NBAS: variants seen among roughly 807,000 people sequenced by gnomAD.
NBAS encodes NAG/BC035112 fusion.
NBAS carries 219 observed loss-of-function variants against 302.5 expected under a neutral mutation model. The ratio of observed to expected loss-of-function variants is 0.72; its 90% CI spans 0.65 to 0.81. The LOEUF (loss-of-function observed/expected upper bound fraction) is 0.81. Ranked by LOEUF, NBAS falls within the 30% of genes least tolerant of loss-of-function variation. The pLI is 0.00. For synonymous variants in NBAS, 1,118 were observed against 1,021.6 expected (o/e 1.09, Z -1.80); for missense variants, 2,932 against 2,841.6 (o/e 1.03, Z -0.72).
chr2:15,067,244 C>G, the NBAS span, among the ~76,000 whole-genome samples: 2 of 150,752 alleles, frequency 1.3e-5, no homozygotes, highest in African/African-American at 4.9e-5. Context: ...ACTCAGGAGG[C>G]TGATGGGGGA....
At chr2:15,405,224 G>T (rs1375843181) in intron 25 of NBAS, among the ~76,000 whole-genome samples, 1 of 152,146 alleles carries the variant, frequency 6.6e-6, no homozygotes. Flanking sequence ...CTAGTCCAGT[G>T]AATAAGTCCT....
intron 21 of NBAS, among the ~76,000 whole-genome samples, chr2:15,432,075 C>A (rs1172305976): frequency 6.6e-6 from 1 of 151,520 alleles, no homozygotes; most frequent in African/African-American, 2.4e-5. Context: ...ATGGGTTAGG[C>A]AAAATTGTAG....
the NBAS span, among the ~76,000 whole-genome samples, chr2:15,013,122 G>A: frequency 1.9e-4 from 29 of 152,296 alleles, no homozygotes; most frequent in African/African-American, 6.0e-4. Context: ...GCCTCCCAAA[G>A]TTCTGGGATT....
intron 44 of NBAS, among the ~76,000 whole-genome samples, chr2:15,266,610 A>G (rs1669087237): frequency 6.6e-6 from 1 of 152,234 alleles, no homozygotes; most frequent in Non-Finnish European, 1.5e-5. Flanking sequence ...AAAATATGTA[A>G]TAATGAAAAA....
intron 9 of NBAS, among the ~76,000 whole-genome samples, chr2:15,533,466 C>G (rs1018160651): frequency 6.6e-6 from 1 of 151,982 alleles, no homozygotes; most frequent in African/African-American, 2.4e-5. Context: ...TAAAGCAAAA[C>G]GTGCACCAAA....
chr2:15,170,904 C>T (rs1477967518), intron 51 of NBAS, among the ~76,000 whole-genome samples: 2 of 152,196 alleles, frequency 1.3e-5, no homozygotes, highest in Non-Finnish European at 2.9e-5. Context: ...GAATCCTTCC[C>T]ATCAGCACAG....
chr2:14,857,274 C>T, the NBAS span, among the ~76,000 whole-genome samples: 2 of 152,090 alleles, frequency 1.3e-5, no homozygotes, highest in African/African-American at 4.8e-5. Flanking sequence ...ATTCAATGCA[C>T]TTTCCATCAA....
the NBAS span, among the ~76,000 whole-genome samples, chr2:14,826,359 AAAAT>A: frequency 6.6e-6 from 1 of 152,260 alleles, no homozygotes; most frequent in Non-Finnish European, 1.5e-5. Flanking sequence ...CTTTTATAAC[AAAAT>A]AAATATATAA....
chr2:14,883,981 AAAAT>A, the NBAS span, among the ~76,000 whole-genome samples: 1 of 150,964 alleles, frequency 6.6e-6, no homozygotes, highest in African/African-American at 2.4e-5. Context: ...CAAAAAAAAT[AAAAT>A]AAAATAAAGA....
At chr2:15,001,081 C>T in the NBAS span, among the ~76,000 whole-genome samples, 1 of 152,132 alleles carries the variant, frequency 6.6e-6, no homozygotes, top group Non-Finnish European at 1.5e-5. Flanking sequence ...ATTGTCCTAA[C>T]AATGTTCAAA....
intron 10 of NBAS, among the ~76,000 whole-genome samples, chr2:15,509,474 T>A (rs1396624850): frequency 6.6e-6 from 1 of 152,200 alleles, no homozygotes; most frequent in Non-Finnish European, 1.5e-5. Context: ...TCTGGTGCCA[T>A]ATAAACCAGT....
In NBAS at chr2:15,202,301, T is replaced by G. The variant is rs143332399; in HGVS notation, c.6433-11898A>C. ...AACATAGAAATTACACAATAAAACA[T>G]GCTGTAATCACTCCCCATAAGTGCT... On this transcript the variant is annotated intron_variant, in intron 48 of 51. Transcript: ENST00000281513. 2.7e-3 allele frequency among the ~76,000 whole-genome samples: 405 copies of G among 152,310 alleles called. 4 individuals are homozygous for G. Among genetic ancestry groups the G allele is most frequent in the African/African-American group, 9.3e-3 (387 of 41,570 alleles).
chr2:14,942,927 C>A, the NBAS span, among the ~76,000 whole-genome samples: 1 of 152,164 alleles, frequency 6.6e-6, no homozygotes, highest in Non-Finnish European at 1.5e-5. Flanking sequence ...TCTACTATTG[C>A]AAAAGGAGAG....
chr2:14,847,366 G>C, the NBAS span, among the ~76,000 whole-genome samples: 4 of 109,580 alleles, frequency 3.7e-5, no homozygotes, highest in Non-Finnish European at 6.7e-5. Context: ...CTCGTCAACA[G>C]AGCAAGACTC....
At position 15,417,530 on chromosome 2, in the gene NBAS, A is replaced by G. The variant is rs148085446; in HGVS notation, c.2760T>C (p.Asn920=). The G allele has an allele frequency of 1.9e-6, 3 of 1,610,392 alleles. No homozygotes were observed. The highest frequency in any genetic ancestry group is 2.5e-6 in the Non-Finnish European group (3 of 1,176,772). ...AGGAAGTTAAAATAAAACCTACACTATTCATCAGTAATCTTAGTTTTTCAA... is the reference window on the plus strand; with the variant it reads ...AGGAAGTTAAAATAAAACCTACACTGTTCATCAGTAATCTTAGTTTTTCAA... ...KDIEKLRLLM[N]SCSEDKYVTS... Residue 920 remains asparagine, a synonymous_variant, in exon 24 of 52, where the codon AAT becomes AAC. Transcript: ENST00000281513.
intron 21 of NBAS, among the ~76,000 whole-genome samples, chr2:15,428,835 A>AGAT (rs896794208): frequency 7.9e-5 from 12 of 152,122 alleles, no homozygotes; most frequent in African/African-American, 2.9e-4. Flanking sequence ...CGAGGTCAGC[A>AGAT]GATCGAGACC....
chr2:15,528,939 TC>T (rs1663083058), intron 9 of NBAS, among the ~76,000 whole-genome samples: 1 of 127,102 alleles, frequency 7.9e-6, no homozygotes, highest in South Asian at 2.5e-4. Flanking sequence ...ATATTTCCTA[TC>T]TAAGAATATG....
At chr2:15,087,130 C>A in the NBAS span, among the ~76,000 whole-genome samples, 1 of 151,834 alleles carries the variant, frequency 6.6e-6, no homozygotes, top group African/African-American at 2.4e-5. Flanking sequence ...GGACTAGAAC[C>A]ACACCATCAG....
At chr2:14,873,490 T>G in the NBAS span, among the ~76,000 whole-genome samples, 1 of 152,290 alleles carries the variant, frequency 6.6e-6, no homozygotes, top group Admixed American at 6.5e-5. Flanking sequence ...GTGCTGGGAT[T>G]TCAGAGGTGA....
Sources: gnomAD v4.1 joint callset for allele counts (sites outside exome capture counted in the v4.1 genomes callset) on GRCh38, gnomAD v4.1.1 for gene constraint, MANE v1.5 for transcripts, NCBI Gene and HGNC (gene_info 2026-07-23, HGNC 2026-07-21) for gene names.